Variants in UBE2W observed in about 807,000 individuals in gnomAD.
UBE2W encodes the protein ubiquitin conjugating enzyme E2 W.
UBE2W carries 18 observed loss-of-function variants against 27.2 expected under a neutral mutation model. That is an observed-to-expected ratio of 0.66 (90% CI 0.46 to 0.98). The LOEUF (loss-of-function observed/expected upper bound fraction) is 0.98. Among genes scored for constraint, UBE2W ranks in the 50% least tolerant of loss-of-function variants. The pLI is 0.00. For missense variants in UBE2W, 90 were observed against 180.2 expected (o/e 0.50, Z 2.87); for synonymous variants, 53 against 57.2 (o/e 0.93, Z 0.33).
intron 1 of UBE2W, among the ~76,000 whole-genome samples, chr8:73,865,270 T>C (rs1332794373): frequency 1.4e-5 from 2 of 147,724 alleles, no homozygotes; most frequent in African/African-American, 2.5e-5. Flanking sequence ...TTCACAAATA[T>C]GGAACTCATG....
At chr8:73,831,049 A>G (rs1048155869) in intron 1 of UBE2W, 1 of 199,124 alleles carries the variant, frequency 5.0e-6, no homozygotes, top group African/African-American at 2.4e-5. Flanking sequence ...CGGAACATGG[A>G]AACTCCACAT....
At position 73,792,438 on chromosome 8, in the gene UBE2W, A is replaced by T. The variant is rs1808243549; in HGVS notation, c.*1664T>A. Reference sequence around the variant, plus strand: ...GCAATTATACTTTGAGTGTAAAATTATATGCCCTTAATTAACAACATGTAC... The same window carrying T: ...GCAATTATACTTTGAGTGTAAAATTTTATGCCCTTAATTAACAACATGTAC... On this transcript the variant is annotated 3_prime_UTR_variant, in exon 6 of 6. Transcript: ENST00000602593. 1.0e-6 allele frequency: 1 copy of T among 985,594 alleles called. No homozygotes were observed. The highest frequency in any genetic ancestry group is 1.2e-6 in the Non-Finnish European group (1 of 829,836). 61.1% of individuals were successfully genotyped at this position (985,594 alleles called of 1,614,324 possible).
chr8:73,826,072 G>A (rs190326745), intron 2 of UBE2W, among the ~76,000 whole-genome samples: 1 of 152,014 alleles, frequency 6.6e-6, no homozygotes, highest in African/African-American at 2.4e-5. Flanking sequence ...AGGGCAAGGG[G>A]AGCTAAATTG....
rs1808272563 is a variant in UBE2W, at chr8:73,793,148, T to G, written c.*954A>C. 1 of 985,702 alleles carries G rather than the reference T, an allele frequency of 1.0e-6. No individual in the cohort carries two copies. Among genetic ancestry groups the G allele is most frequent in the Non-Finnish European group, 1.2e-6 (1 of 829,894 alleles). 61.1% of individuals were successfully genotyped at this position (985,702 alleles called of 1,614,324 possible). A position where few individuals can be genotyped will look rare whatever the true frequency, so the allele number is the denominator to read the frequency against. The stretch of plus-strand genomic sequence containing the variant: ...TTGCAAACAAAAATGTTTACGGGGT[T>G]TCCAAACATAAATAAATGAAATAGT... On this transcript the variant is annotated 3_prime_UTR_variant, in exon 6 of 6. Coordinates refer to ENST00000602593, the MANE Select transcript of UBE2W (RefSeq NM_018299.6).
At chr8:73,814,440 A>C (rs1586468474) in intron 3 of UBE2W, among the ~76,000 whole-genome samples, 1 of 152,248 alleles carries the variant, frequency 6.6e-6, no homozygotes, top group African/African-American at 2.4e-5. Flanking sequence ...CAGATTTTTA[A>C]AGAACGATTT....
intron 1 of UBE2W, among the ~76,000 whole-genome samples, chr8:73,841,851 T>C (rs1810548687): frequency 6.6e-6 from 1 of 152,056 alleles, no homozygotes; most frequent in Non-Finnish European, 1.5e-5. Flanking sequence ...GATCCCTCAG[T>C]GTAAAGGTGA....
intron 3 of UBE2W, among the ~76,000 whole-genome samples, chr8:73,821,932 G>C (rs1369118672): frequency 6.6e-6 from 1 of 152,084 alleles, no homozygotes; most frequent in African/African-American, 2.4e-5. Context: ...GATAGTCAAG[G>C]CCTGTAAAGT....
intron 1 of UBE2W, among the ~76,000 whole-genome samples, chr8:73,863,130 T>C (rs972771141): frequency 7.1e-6 from 1 of 141,772 alleles, no homozygotes; most frequent in Non-Finnish European, 1.5e-5. Flanking sequence ...CATGCACACG[T>C]ATGTTTATTG....
intron 5 of UBE2W, among the ~76,000 whole-genome samples, chr8:73,802,531 C>A (rs527358869): frequency 6.6e-6 from 1 of 152,226 alleles, no homozygotes; most frequent in South Asian, 2.1e-4. Flanking sequence ...CTTTTAAATT[C>A]AGAAATTCTT....
chr8:73,819,552 T>C (rs1195846607), intron 3 of UBE2W, among the ~76,000 whole-genome samples: 1 of 152,214 alleles, frequency 6.6e-6, no homozygotes, highest in Admixed American at 6.5e-5. Context: ...TAACCAACCA[T>C]TTACCTGTAT....
chr8:73,796,222 C>T (rs762042766), intron 5 of UBE2W, among the ~76,000 whole-genome samples: 2 of 151,972 alleles, frequency 1.3e-5, no homozygotes, highest in Admixed American at 6.6e-5. Flanking sequence ...TAGGGTTGGT[C>T]GCTGAAACTA....
chr8:73,781,629 T>TA (rs1305682918), downstream of UBE2W, among the ~76,000 whole-genome samples: 22 of 151,150 alleles, frequency 1.5e-4, no homozygotes, highest in South Asian at 4.2e-4. Flanking sequence ...GTTTTTTTTT[T>TA]TTTTTTTTAT....
intron 3 of UBE2W, among the ~76,000 whole-genome samples, chr8:73,817,170 C>T (rs1563588280): frequency 2.0e-5 from 3 of 149,192 alleles, no homozygotes; most frequent in African/African-American, 7.4e-5. Context: ...ACTAAAGATA[C>T]AAAAAAAATT....
intron 5 of UBE2W, among the ~76,000 whole-genome samples, chr8:73,802,405 AT>A (rs1808683170): frequency 6.6e-6 from 1 of 152,136 alleles, no homozygotes; most frequent in Non-Finnish European, 1.5e-5. Context: ...TAAACGGTTT[AT>A]TTTTAATAAG....
At position 73,805,686 on chromosome 8, in the gene UBE2W, T is replaced by A; in HGVS notation, c.407A>T (p.Asn136Ile). The A allele has an allele frequency of 1.3e-6, 2 of 1,548,920 alleles. No individual in the cohort carries two copies. Among genetic ancestry groups the A allele is most frequent in the Non-Finnish European group, 8.8e-7 (1 of 1,142,286 alleles). ...CCATTTTGTTTTCTTTGGATTCTTG[T>A]TACATGTTCGCACATAAAAAGAATT... ...PDNSFYVRTC[N>I]KNPKKTKWWY... Residue 136 changes from asparagine (N) to isoleucine (I), a missense_variant, in exon 5 of 6, where the codon AAC (asparagine) becomes ATC (isoleucine). By Grantham distance (149) the Asn-to-Ile change is moderately radical (BLOSUM62 -3). Coordinates refer to ENST00000602593, the MANE Select transcript of UBE2W (RefSeq NM_018299.6).
rs1808288625 is a variant in UBE2W at position 73,793,601 on chromosome 8, G to C, written c.*501C>G. On this transcript the variant is annotated 3_prime_UTR_variant, in exon 6 of 6. Transcript: ENST00000602593. ...AGTGCATAGAATCCAAATATAAACA[G>C]TTGGGGTGACTTTTAAAGTAATGTT... 1 of 986,102 alleles carries C rather than the reference G, an allele frequency of 1.0e-6. No homozygotes were observed. Among genetic ancestry groups the C allele is most frequent in the Admixed American group, 6.1e-5 (1 of 16,272 alleles). The allele number at this position is 986,102 out of a possible 1,614,324, so 61.1% of individuals were successfully genotyped here.
intron 1 of UBE2W, among the ~76,000 whole-genome samples, chr8:73,855,963 G>A (rs1480623748): frequency 1.3e-5 from 2 of 152,018 alleles, no homozygotes; most frequent in Non-Finnish European, 2.9e-5. Flanking sequence ...ATTCAATCAT[G>A]TATCTGTAAT....
chr8:73,794,395 T>C (rs929706073), intron 5 of UBE2W, among the ~76,000 whole-genome samples: 1 of 152,176 alleles, frequency 6.6e-6, no homozygotes, highest in African/African-American at 2.4e-5. Context: ...TGTTAGTACA[T>C]AGTCAGGATG....
rs564250822 is a variant in UBE2W at position 73,855,487 on chromosome 8, C to T, written c.15+23321G>A. Among the ~76,000 whole-genome samples, 176 of 150,620 alleles carry T rather than the reference C, an allele frequency of 1.2e-3. 1 individual carries two copies. Among genetic ancestry groups the T allele is most frequent in the African/African-American group, 4.2e-3 (170 of 40,902 alleles). ...TGCTATCTTGGCTCACTGCAACCTCCGCCTCACGGGTTCAAGCAATTGTCC... is the reference window on the plus strand; with the variant it reads ...TGCTATCTTGGCTCACTGCAACCTCTGCCTCACGGGTTCAAGCAATTGTCC... On this transcript the variant is annotated intron_variant, in intron 1 of 5. Coordinates refer to ENST00000602593, the MANE Select transcript of UBE2W (RefSeq NM_018299.6).
Sources: gnomAD v4.1 joint callset for allele counts (sites outside exome capture counted in the v4.1 genomes callset) on GRCh38, gnomAD v4.1.1 for gene constraint, MANE v1.5 for transcripts, NCBI Gene and HGNC (gene_info 2026-07-23, HGNC 2026-07-21) for gene names.